Variants in SGCZ observed in about 807,000 individuals in gnomAD.
SGCZ encodes the protein zeta-sarcoglycan.
In SGCZ, 40 loss-of-function variants were observed where a neutral mutation model predicts 41.3. The observed-to-expected ratio is 0.97, with a 90% CI of 0.75 to 1.26. SGCZ has a LOEUF of 1.26. Ranked by LOEUF, SGCZ falls within the 50% of genes most tolerant of loss-of-function variation. The probability of loss-of-function intolerance (pLI) is 0.00; values close to 1 mark genes in which losing one functional copy is unlikely to be tolerated. For missense variants in SGCZ, 552 were observed against 369.8 expected (o/e 1.49, Z -4.04); for synonymous variants, 206 against 137.5 (o/e 1.50, Z -3.49).
intron 3 of SGCZ, among the ~76,000 whole-genome samples, chr8:14,319,057 AG>A (rs1055898319): frequency 5.9e-5 from 9 of 151,980 alleles, no homozygotes; most frequent in African/African-American, 1.4e-4. Flanking sequence ...AATCATATAA[AG>A]AGTTAAAAAT....
chr8:14,223,802 A>G (rs1806283494), intron 4 of SGCZ, among the ~76,000 whole-genome samples: 1 of 152,358 alleles, frequency 6.6e-6, no homozygotes. Context: ...TCCAAAATAA[A>G]GTAGGGTAAC....
At chr8:14,350,945 G>A (rs1441458443) in intron 2 of SGCZ, among the ~76,000 whole-genome samples, 2 of 152,138 alleles carry the variant, frequency 1.3e-5, no homozygotes, top group Non-Finnish European at 2.9e-5. Flanking sequence ...TTTCAGGAGA[G>A]TTTTCCGTGT....
chr8:14,288,143 G>A (rs1800704810), intron 3 of SGCZ, among the ~76,000 whole-genome samples: 2 of 151,958 alleles, frequency 1.3e-5, no homozygotes, highest in African/African-American at 4.8e-5. Context: ...ACATATAATT[G>A]AGAAAATCTT....
chr8:14,652,000 T>C (rs1284641190), intron 1 of SGCZ, among the ~76,000 whole-genome samples: 2 of 152,054 alleles, frequency 1.3e-5, no homozygotes, highest in African/African-American at 4.8e-5. Flanking sequence ...CTGTGTTTCC[T>C]GTGACTTTGG....
intron 1 of SGCZ, among the ~76,000 whole-genome samples, chr8:14,686,605 A>C (rs1808619272): frequency 6.6e-6 from 1 of 152,046 alleles, no homozygotes; most frequent in South Asian, 2.1e-4. Flanking sequence ...TCTGGAGATC[A>C]TGGCTATTAT....
chr8:14,706,465 T>C (rs536804206), intron 1 of SGCZ, among the ~76,000 whole-genome samples: 1 of 152,242 alleles, frequency 6.6e-6, no homozygotes, highest in South Asian at 2.1e-4. Flanking sequence ...CTATGCCTTT[T>C]TGATTGTAGA....
intron 4 of SGCZ, among the ~76,000 whole-genome samples, chr8:14,199,663 C>G (rs1044006812): frequency 6.6e-6 from 1 of 152,114 alleles, no homozygotes; most frequent in Non-Finnish European, 1.5e-5. Context: ...CTTTTGTACT[C>G]TGTCCCTTTA....
At chr8:14,927,139 C>T (rs1185746963) in intron 1 of SGCZ, among the ~76,000 whole-genome samples, 2 of 126,168 alleles carry the variant, frequency 1.6e-5, no homozygotes, top group Non-Finnish European at 3.2e-5. Context: ...GGCAGAGTCT[C>T]GCTCTGTCAC....
intron 1 of SGCZ, among the ~76,000 whole-genome samples, chr8:15,117,669 T>C (rs1807323809): frequency 6.6e-6 from 1 of 152,212 alleles, no homozygotes; most frequent in African/African-American, 2.4e-5. Flanking sequence ...ACTTATATGC[T>C]ACCAAATGCT....
intron 2 of SGCZ, among the ~76,000 whole-genome samples, chr8:14,383,919 A>G (rs1042179970): frequency 1.4e-5 from 2 of 141,778 alleles, no homozygotes; most frequent in African/African-American, 6.2e-5. Flanking sequence ...ATTTGTTTTG[A>G]GATTTTTTTT....
rs1475991336 is a variant in SGCZ, at chr8:14,599,365, T to C, written c.40-44439A>G. Among the ~76,000 whole-genome samples the C allele has an allele frequency of 2.0e-5, 3 of 152,162 alleles. No individual in the cohort carries two copies. In the East Asian group the frequency reaches 5.8e-4, roughly 29 times the overall value. ...TTTGTATTCACTTGTCAAAACCACC[T>C]CTACACTGAAATCAAATTCTCTCAC... On this transcript the variant is annotated intron_variant, in intron 1 of 7. Transcript: ENST00000382080.
At position 15,075,629 on chromosome 8, in the gene SGCZ, C is replaced by T. The variant is rs147728619; in HGVS notation, c.39+161956G>A. Among the ~76,000 whole-genome samples, 963 of 152,210 alleles carry T rather than the reference C, an allele frequency of 6.3e-3. 3 individuals carry two copies. Among genetic ancestry groups the T allele is most frequent in the Non-Finnish European group, 0.01 (703 of 68,012 alleles). On this transcript the variant is annotated intron_variant, in intron 1 of 7. Transcript: ENST00000382080. Reference sequence around the variant, plus strand: ...GACTAGAAATTTGCCCAAGAGAGTTCTATCAGATCAGTTACTCTTTCATTA... The same window carrying T: ...GACTAGAAATTTGCCCAAGAGAGTTTTATCAGATCAGTTACTCTTTCATTA...
At chr8:14,563,242 A>G (rs1260026787) in intron 1 of SGCZ, among the ~76,000 whole-genome samples, 1 of 152,164 alleles carries the variant, frequency 6.6e-6, no homozygotes, top group Non-Finnish European at 1.5e-5. Context: ...TACAGTCTTC[A>G]CCTTTTCTAC....
intron 1 of SGCZ, among the ~76,000 whole-genome samples, chr8:14,870,517 T>C (rs901753413): frequency 3.3e-5 from 5 of 152,104 alleles, no homozygotes; most frequent in African/African-American, 9.7e-5. Context: ...ATTCAGGACA[T>C]AGGCATGAGC....
intron 5 of SGCZ, among the ~76,000 whole-genome samples, chr8:14,157,327 T>C (rs952024418): frequency 7.1e-6 from 1 of 141,826 alleles, no homozygotes; most frequent in African/African-American, 2.6e-5. Flanking sequence ...TATATACATA[T>C]ATATGCCTCT....
chr8:14,201,849 G>C (rs567007426), intron 4 of SGCZ, among the ~76,000 whole-genome samples: 1 of 147,454 alleles, frequency 6.8e-6, no homozygotes, highest in Non-Finnish European at 1.5e-5. Context: ...TCACTAGTGA[G>C]ATCTTTAAAA....
At chr8:14,553,526 C>T (rs577410910) in intron 2 of SGCZ, among the ~76,000 whole-genome samples, 2 of 152,012 alleles carry the variant, frequency 1.3e-5, no homozygotes, top group African/African-American at 4.8e-5. Flanking sequence ...AAAAATGGAA[C>T]CGTGGCTCAT....
At chr8:14,448,945 T>A (rs1260633640) in intron 2 of SGCZ, among the ~76,000 whole-genome samples, 2 of 152,216 alleles carry the variant, frequency 1.3e-5, no homozygotes, top group African/African-American at 4.8e-5. Context: ...GTCCAAAGAT[T>A]AATGAGAATG....
rs116125711 is a variant in SGCZ, at chr8:14,833,949, T to A, written c.40-279023A>T. Among the ~76,000 whole-genome samples, 441 of 152,284 alleles carry A rather than the reference T, an allele frequency of 2.9e-3. 1 individual carries two copies. The highest frequency in any genetic ancestry group is 0.01 in the African/African-American group (426 of 41,540). On this transcript the variant is annotated intron_variant, in intron 1 of 7. Coordinates refer to ENST00000382080, the MANE Select transcript of SGCZ (RefSeq NM_139167.4). ...GAGGAAAATATGTTTTTAGCCTCGC[T>A]TAGAAATATTGTGGAAGCTACTTTA...
Sources: allele counts gnomAD v4.1 joint callset (sites outside exome capture counted in the v4.1 genomes callset), GRCh38; gene constraint gnomAD v4.1.1; transcripts MANE v1.5; gene names NCBI Gene and HGNC (gene_info 2026-07-23, HGNC 2026-07-21).